Variants in CSMD2 observed in about 807,000 individuals in gnomAD.
The protein encoded by CSMD2 is CUB and Sushi multiple domains 2.
Under a neutral mutation model 398.5 loss-of-function variants are expected in CSMD2, and 130 were observed. The observed-to-expected ratio is 0.33, with a 90% confidence interval of 0.28 to 0.38. CSMD2 has a LOEUF of 0.38. CSMD2 is among the 10% of genes least tolerant of loss of function. The pLI is 1.00. For missense variants in CSMD2, 3,829 were observed against 4,764.9 expected (o/e 0.80, Z 5.78); for synonymous variants, 1,828 against 1,908.5 (o/e 0.96, Z 1.10).
chr1:33,963,236 G>A (rs1645431306), intron 3 of CSMD2, among the ~76,000 whole-genome samples: 1 of 152,284 alleles, frequency 6.6e-6, no homozygotes, highest in African/African-American at 2.4e-5. Flanking sequence ...TCTCCTCACT[G>A]CATCTGCTCT....
At chr1:33,988,442 C>T (rs1179028914) in intron 3 of CSMD2, among the ~76,000 whole-genome samples, 1 of 152,236 alleles carries the variant, frequency 6.6e-6, no homozygotes, top group South Asian at 2.1e-4. Context: ...CATCCCCCAC[C>T]CTGCAGGTCT....
chr1:34,148,617 C>T (rs1640002500), intron 1 of CSMD2, among the ~76,000 whole-genome samples: 1 of 152,096 alleles, frequency 6.6e-6, no homozygotes, highest in South Asian at 2.1e-4. Flanking sequence ...GGGGCACAGA[C>T]TCATCAGGAC....
chr1:34,029,716 G>A (rs534443614), intron 3 of CSMD2, among the ~76,000 whole-genome samples: 2 of 152,324 alleles, frequency 1.3e-5, no homozygotes, highest in East Asian at 1.9e-4. Flanking sequence ...CACATCCTGC[G>A]TAGTTTGCAG....
chr1:33,767,223 T>G (rs778729049), intron 13 of CSMD2, among the ~76,000 whole-genome samples: 24 of 152,196 alleles, frequency 1.6e-4, no homozygotes, highest in Admixed American at 6.5e-5. Context: ...CAAAATGGTA[T>G]GCTCACTCTG....
At chr1:33,596,600 C>G (rs1323761064) in intron 44 of CSMD2, among the ~76,000 whole-genome samples, 1 of 152,180 alleles carries the variant, frequency 6.6e-6, no homozygotes, top group Admixed American at 6.5e-5. Flanking sequence ...GCAAACACGT[C>G]TTTCTTCACA....
intron 46 of CSMD2, among the ~76,000 whole-genome samples, chr1:33,585,089 T>G (rs1044658782): frequency 6.6e-6 from 1 of 152,222 alleles, no homozygotes; most frequent in Admixed American, 6.5e-5. Context: ...TTCTGAGGAC[T>G]AAATCAACTT....
chr1:33,555,657 C>T (rs1312452139), intron 55 of CSMD2, among the ~76,000 whole-genome samples: 2 of 152,184 alleles, frequency 1.3e-5, no homozygotes, highest in Non-Finnish European at 2.9e-5. Context: ...AGTTTGCAGT[C>T]ATCAACATTG....
At chr1:33,861,503 G>A (rs567449198) in intron 5 of CSMD2, among the ~76,000 whole-genome samples, 1 of 152,264 alleles carries the variant, frequency 6.6e-6, no homozygotes, top group South Asian at 2.1e-4. Flanking sequence ...CCTCTTCCCG[G>A]GCATGTGGTC....
chr1:33,962,481 A>G (rs4653362), intron 3 of CSMD2, among the ~76,000 whole-genome samples: 6,072 of 152,270 alleles, frequency 0.04, 194 homozygotes, highest in East Asian at 0.12. Flanking sequence ...TTGAAGCAGG[A>G]TTCACTTGAC....
At chr1:33,734,308 G>A (rs916503805) in intron 15 of CSMD2, among the ~76,000 whole-genome samples, 1 of 152,076 alleles carries the variant, frequency 6.6e-6, no homozygotes, top group Non-Finnish European at 1.5e-5. Flanking sequence ...TTTCCACTTT[G>A]AGCTGTATTG....
At chr1:33,534,593 G>A (rs1005893773) in intron 62 of CSMD2, among the ~76,000 whole-genome samples, 9 of 152,084 alleles carry the variant, frequency 5.9e-5, no homozygotes, top group Non-Finnish European at 8.8e-5. Context: ...GGTGTAATGC[G>A]GCTAGATCTG....
intron 2 of CSMD2, among the ~76,000 whole-genome samples, chr1:34,041,396 G>A (rs1434788185): frequency 6.6e-6 from 1 of 152,218 alleles, no homozygotes; most frequent in Non-Finnish European, 1.5e-5. Context: ...AACAGTGGCT[G>A]AAGTGAAATT....
In CSMD2 at chr1:33,622,075, T is replaced by C. The variant is rs763450643; in HGVS notation, c.5827+92A>G. The C allele has an allele frequency of 5.1e-5, 48 of 932,878 alleles. 1 individual carries two copies. Among genetic ancestry groups the C allele is most frequent in the African/African-American group, 4.5e-4 (28 of 61,714 alleles). 57.8% of individuals were successfully genotyped at this position (932,878 alleles called of 1,614,324 possible). On this transcript the variant is annotated intron_variant, in intron 37 of 70. Coordinates refer to ENST00000373381, the MANE Select transcript of CSMD2 (RefSeq NM_001281956.2). ...GAAGGCTTAAGTGGGATGGACAATATGCAGCTCCAGTTTAATCCTTGCTCA... is the reference window on the plus strand; with the variant it reads ...GAAGGCTTAAGTGGGATGGACAATACGCAGCTCCAGTTTAATCCTTGCTCA...
chr1:33,939,775 T>C (rs751183275), intron 3 of CSMD2, among the ~76,000 whole-genome samples: 1 of 152,180 alleles, frequency 6.6e-6, no homozygotes, highest in Non-Finnish European at 1.5e-5. Flanking sequence ...CACCTGCTTT[T>C]TTATGCCAAG....
At chr1:33,653,611 A>G (rs938230880) in intron 27 of CSMD2, among the ~76,000 whole-genome samples, 4 of 152,124 alleles carry the variant, frequency 2.6e-5, no homozygotes, top group Admixed American at 2.6e-4. Flanking sequence ...TGGCCAGGTG[A>G]CACAGCAACC....
chr1:33,997,988 A>C (rs1056130657), intron 3 of CSMD2, among the ~76,000 whole-genome samples: 9 of 152,088 alleles, frequency 5.9e-5, no homozygotes, highest in African/African-American at 2.2e-4. Flanking sequence ...TATGATTTTG[A>C]ATATTTGTTG....
chr1:33,675,750 C>A (rs557338848), intron 25 of CSMD2, among the ~76,000 whole-genome samples: 216 of 152,248 alleles, frequency 1.4e-3, no homozygotes, highest in Non-Finnish European at 2.0e-3. Context: ...CATCAAAAAG[C>A]TTATGCACCA....
chr1:33,743,194 C>T, intron 14 of CSMD2, 86 bp downstream of exon 14: 1 of 1,167,612 alleles, frequency 8.6e-7, no homozygotes. Flanking sequence ...TCCACACCTC[C>T]TCCTCCCTCC....
intron 25 of CSMD2, among the ~76,000 whole-genome samples, chr1:33,669,766 G>A (rs560930766): frequency 6.6e-6 from 1 of 152,178 alleles, no homozygotes; most frequent in East Asian, 1.9e-4. Flanking sequence ...AGGGTGGGCC[G>A]TAAATCCAAT....
Sources: allele counts gnomAD v4.1 joint callset (sites outside exome capture counted in the v4.1 genomes callset), GRCh38; gene constraint gnomAD v4.1.1; transcripts MANE v1.5; gene names NCBI Gene and HGNC (gene_info 2026-07-23, HGNC 2026-07-21).